ADRA1A: variants seen among roughly 807,000 people sequenced by gnomAD.
ADRA1A encodes the protein adrenoceptor alpha 1A.
Under a neutral mutation model 29.6 loss-of-function variants are expected in ADRA1A, and 31 were observed. That is an observed-to-expected ratio of 1.05 (90% CI 0.79 to 1.41). ADRA1A has a LOEUF of 1.41. Ranked by LOEUF, ADRA1A falls within the 40% of genes most tolerant of loss-of-function variation. The pLI, the probability that ADRA1A is intolerant of heterozygous loss-of-function variation, is 0.00. For missense variants in ADRA1A, 619 were observed against 601.1 expected, an observed-to-expected ratio of 1.03 and a Z score of -0.31; for synonymous variants, 311 against 254.3, an observed-to-expected ratio of 1.22 and a Z score of -2.12.
At position 26,830,768 on chromosome 8, in the gene ADRA1A, A is replaced by G. The variant is rs567269147; in HGVS notation, c.883+33319T>C. ...GGGAAAGCATGATTCAAGTTCTACCAGAGTGTCAACTACTCCCTCTGGGCT... is the reference window on the plus strand; with the variant it reads ...GGGAAAGCATGATTCAAGTTCTACCGGAGTGTCAACTACTCCCTCTGGGCT... On this transcript the variant is annotated intron_variant, in intron 2 of 2. Transcript: ENST00000380573. Among the ~76,000 whole-genome samples the G allele has an allele frequency of 5.3e-5, 8 of 152,342 alleles. No homozygotes were observed. In the South Asian group the frequency reaches 1.7e-3, roughly 32 times the overall value.
At chr8:26,772,505 G>A (rs556265097) in intron 2 of ADRA1A, among the ~76,000 whole-genome samples, 1 of 152,270 alleles carries the variant, frequency 6.6e-6, no homozygotes, top group African/African-American at 2.4e-5. Context: ...AAACTCCTAT[G>A]ATGCCTTTGG....
intron 2 of ADRA1A, among the ~76,000 whole-genome samples, chr8:26,751,342 A>C (rs1804921200): frequency 6.6e-6 from 1 of 152,244 alleles, no homozygotes; most frequent in Admixed American, 6.5e-5. Flanking sequence ...AGAATAAAAG[A>C]GTTGTTTTTC....
intron 2 of ADRA1A, among the ~76,000 whole-genome samples, chr8:26,785,716 G>A (rs565451312): frequency 2.3e-4 from 35 of 152,250 alleles, no homozygotes; most frequent in Admixed American, 5.9e-4. Context: ...ATTCATACAT[G>A]CCTCTTCATG....
At chr8:26,786,728 A>T (rs1807415846) in intron 2 of ADRA1A, among the ~76,000 whole-genome samples, 2 of 133,716 alleles carry the variant, frequency 1.5e-5, no homozygotes, top group South Asian at 5.1e-4. Context: ...CATATACCTC[A>T]GACTCCATGC....
downstream of ADRA1A, among the ~76,000 whole-genome samples, chr8:26,754,399 G>A (rs546744502): frequency 6.6e-6 from 1 of 151,920 alleles, no homozygotes; most frequent in East Asian, 1.9e-4. Context: ...TAATGACATC[G>A]TCAACTTAGT....
At chr8:26,761,547 A>G (rs181334634), downstream of ADRA1A, among the ~76,000 whole-genome samples, 331 of 152,360 alleles carry the variant, frequency 2.2e-3, 2 homozygotes, top group African/African-American at 7.6e-3. Flanking sequence ...ATGCAGAGGA[A>G]AGACCAAGTG....
Position 26,787,422 on chromosome 8 carries a change from C to G in ADRA1A, c.884-16756G>C, listed in dbSNP as rs1045071673. On this transcript the variant is annotated intron_variant, in intron 2 of 2. Transcript: ENST00000380573. The surrounding 1 kb of genome is among the most constrained non-coding windows in gnomAD (Gnocchi z 4.2). Reference sequence around the variant, plus strand: ...AAAAAAAACCCACACATACTATATTCTGTCTGAAAAGACTTTGACAAAATG... The same window carrying G: ...AAAAAAAACCCACACATACTATATTGTGTCTGAAAAGACTTTGACAAAATG... 9.2e-5 allele frequency among the ~76,000 whole-genome samples: 14 copies of G among 152,264 alleles called. No individual in the cohort carries two copies. The highest frequency in any genetic ancestry group is 3.4e-4 in the African/African-American group (14 of 41,566).
intron 2 of ADRA1A, among the ~76,000 whole-genome samples, chr8:26,861,307 T>TTTG (rs1813440161): frequency 1.0e-5 from 1 of 96,976 alleles, no homozygotes; most frequent in Non-Finnish European, 2.3e-5. Flanking sequence ...GGCTCTGTTT[T>TTTG]TTTTTTTTTT....
intron 2 of ADRA1A, among the ~76,000 whole-genome samples, chr8:26,758,003 G>A (rs894769759): frequency 1.3e-5 from 2 of 152,146 alleles, no homozygotes; most frequent in Middle Eastern, 3.2e-3. Flanking sequence ...CGCCAGCCTT[G>A]GATACTCTTG....
Position 26,831,058 on chromosome 8 carries a change from A to G in ADRA1A, c.883+33029T>C, listed in dbSNP as rs1810944895. On this transcript the variant is annotated intron_variant, in intron 2 of 2. Transcript: ENST00000380573. The surrounding 1 kb of genome is among the most constrained non-coding windows in gnomAD (Gnocchi z 5.2). The stretch of plus-strand genomic sequence containing the variant: ...ACTGAGGTCTTTTATAGTTAAAGAA[A>G]TATACTTAGGAGATTGGCCTGGTTG... Among the ~76,000 whole-genome samples the G allele has an allele frequency of 6.6e-6, 1 of 152,160 alleles. No homozygotes were observed. The highest frequency in any genetic ancestry group is 1.5e-5 in the Non-Finnish European group (1 of 68,038).
At chr8:26,835,642 C>T (rs1402571816) in intron 2 of ADRA1A, among the ~76,000 whole-genome samples, 13 of 152,106 alleles carry the variant, frequency 8.5e-5, no homozygotes, top group Admixed American at 5.2e-4. Flanking sequence ...TTCCACTTGT[C>T]CCTCCCACGA....
chr8:26,853,387 G>C (rs540644518), intron 2 of ADRA1A, among the ~76,000 whole-genome samples: 1 of 152,238 alleles, frequency 6.6e-6, no homozygotes, highest in Non-Finnish European at 1.5e-5. Flanking sequence ...AATGAATCCA[G>C]AGTTTTCTTG....
intron 2 of ADRA1A, among the ~76,000 whole-genome samples, chr8:26,840,508 A>G (rs564123047): frequency 1.3e-5 from 2 of 152,280 alleles, no homozygotes; most frequent in African/African-American, 4.8e-5. Flanking sequence ...TAAAAGTAAA[A>G]GACATTTATG....
intron 2 of ADRA1A, among the ~76,000 whole-genome samples, chr8:26,811,204 TTTTG>T (rs1563270937): frequency 1.3e-5 from 2 of 152,008 alleles, no homozygotes; most frequent in African/African-American, 2.4e-5. Context: ...TCTTTTTTTT[TTTTG>T]TTGAGACGGA....
chr8:26,849,557 C>A (rs934369685), intron 2 of ADRA1A, among the ~76,000 whole-genome samples: 1 of 152,174 alleles, frequency 6.6e-6, no homozygotes. Context: ...CTGGCAGATT[C>A]GAATCACAAC....
chr8:26,808,490 T>A (rs1356295741), intron 2 of ADRA1A, among the ~76,000 whole-genome samples: 1 of 152,216 alleles, frequency 6.6e-6, no homozygotes, highest in Non-Finnish European at 1.5e-5. Context: ...TCTTTGGTGA[T>A]CTTGGCAATT....
intron 2 of ADRA1A, among the ~76,000 whole-genome samples, chr8:26,845,199 T>C (rs1812112298): frequency 6.6e-6 from 1 of 152,088 alleles, no homozygotes; most frequent in East Asian, 1.9e-4. Flanking sequence ...CTGACCAGGG[T>C]CTGGCATCCA....
chr8:26,826,726 G>T (rs1400985762), intron 2 of ADRA1A, among the ~76,000 whole-genome samples: 1 of 152,124 alleles, frequency 6.6e-6, no homozygotes, highest in Non-Finnish European at 1.5e-5. Flanking sequence ...CAGACAGACA[G>T]CAAGATCTTG....
At chr8:26,788,976 C>G (rs4636218) in intron 2 of ADRA1A, among the ~76,000 whole-genome samples, 1 of 151,954 alleles carries the variant, frequency 6.6e-6, no homozygotes, top group Non-Finnish European at 1.5e-5. Context: ...GATACATGTG[C>G]GGAACGTGCA....
Sources: allele counts gnomAD v4.1 joint callset (sites outside exome capture counted in the v4.1 genomes callset), GRCh38; gene constraint gnomAD v4.1.1; non-coding constraint Gnocchi (gnomAD v3.1); transcripts MANE v1.5; gene names NCBI Gene and HGNC (gene_info 2026-07-23, HGNC 2026-07-21).